SLC44A5: variants seen among roughly 807,000 people sequenced by gnomAD.
SLC44A5 encodes the protein choline transporter-like protein 5.
Under a neutral mutation model 101.8 loss-of-function variants are expected in SLC44A5, and 57 were observed. That is an observed-to-expected ratio of 0.56 (90% CI 0.45 to 0.70). The LOEUF is 0.70. SLC44A5 is among the 30% of genes least tolerant of loss of function. The pLI, the probability that SLC44A5 is intolerant of heterozygous loss-of-function variation, is 0.00. For missense variants in SLC44A5, 737 were observed against 853.1 expected (o/e 0.86, Z 1.70); for synonymous variants, 281 against 290.9 (o/e 0.97, Z 0.35).
chr1:75,475,591 T>G (rs2101745760), intron 2 of SLC44A5, among the ~76,000 whole-genome samples: 1 of 152,348 alleles, frequency 6.6e-6, no homozygotes, highest in African/African-American at 2.4e-5. Flanking sequence ...TTCATTCCCA[T>G]TTCCCACTAT....
intron 2 of SLC44A5, among the ~76,000 whole-genome samples, chr1:75,537,023 A>AT (rs1557885138): frequency 1.1e-4 from 4 of 34,958 alleles, no homozygotes; most frequent in Admixed American, 3.7e-4. Flanking sequence ...AAAAAAAAAA[A>AT]AAAAAAAAAA....
chr1:75,442,337 C>T (rs535729684), intron 2 of SLC44A5, among the ~76,000 whole-genome samples: 7 of 152,044 alleles, frequency 4.6e-5, no homozygotes, highest in South Asian at 2.1e-4. Flanking sequence ...TCGGGCTTTG[C>T]GGTAGGGAAA....
intron 2 of SLC44A5, among the ~76,000 whole-genome samples, chr1:75,480,811 G>A (rs1667793708): frequency 6.6e-6 from 1 of 152,166 alleles, no homozygotes; most frequent in Non-Finnish European, 1.5e-5. Flanking sequence ...TCAACATTGT[G>A]AAAATGGTCA....
chr1:75,211,636 T>C (rs533739672), intron 22 of SLC44A5, 84 bp from the exon 23 acceptor site: 2 of 1,061,570 alleles, frequency 1.9e-6, no homozygotes, highest in Admixed American at 3.7e-5. Context: ...AAAGCCATGA[T>C]GAGAAAGTTT....
intron 7 of SLC44A5, among the ~76,000 whole-genome samples, chr1:75,245,282 A>G (rs1649007125): frequency 6.6e-6 from 1 of 152,150 alleles, no homozygotes; most frequent in Non-Finnish European, 1.5e-5. Context: ...GTACCTTCAG[A>G]GAAAATATTA....
rs1653883883 is a variant in SLC44A5, at chr1:75,295,325, G to C, written c.175+5287C>G. Among the ~76,000 whole-genome samples the C allele has an allele frequency of 2.0e-5, 3 of 152,206 alleles. No individual in the cohort carries two copies. The South Asian group carries it at 6.2e-4, about 32-fold the overall frequency. ...TTGTTCTTCAGAAGGTCACTTGAGTGACTTCTCTTAGTTATGAAAATATGC... is the reference window on the plus strand; with the variant it reads ...TTGTTCTTCAGAAGGTCACTTGAGTCACTTCTCTTAGTTATGAAAATATGC... On this transcript the variant is annotated intron_variant, in intron 5 of 23. Coordinates refer to ENST00000370859, the MANE Select transcript of SLC44A5 (RefSeq NM_001130058.2).
intron 2 of SLC44A5, among the ~76,000 whole-genome samples, chr1:75,435,223 T>C (rs1664819106): frequency 6.6e-6 from 1 of 152,176 alleles, no homozygotes; most frequent in African/African-American, 2.4e-5. Flanking sequence ...AAAAGCACTC[T>C]TTGTACAAGG....
intron 2 of SLC44A5, among the ~76,000 whole-genome samples, chr1:75,411,196 T>C (rs1481938098): frequency 6.6e-6 from 1 of 152,126 alleles, no homozygotes; most frequent in Non-Finnish European, 1.5e-5. Flanking sequence ...CATCATTCCC[T>C]ACTCATTTCA....
the SLC44A5 span, among the ~76,000 whole-genome samples, chr1:75,626,481 C>T: frequency 0.28 from 42,234 of 152,030 alleles, 7,051 homozygotes; most frequent in East Asian, 0.81. Flanking sequence ...ATGACTCTTT[C>T]CAGCCTACTC....
At chr1:75,276,175 G>T (rs941204197) in intron 5 of SLC44A5, among the ~76,000 whole-genome samples, 1 of 152,002 alleles carries the variant, frequency 6.6e-6, no homozygotes, top group Non-Finnish European at 1.5e-5. Flanking sequence ...GGCCAAATTG[G>T]TTTCATCTTC....
At chr1:75,660,970 C>T in the SLC44A5 span, among the ~76,000 whole-genome samples, 3 of 152,048 alleles carry the variant, frequency 2.0e-5, no homozygotes, top group Non-Finnish European at 4.4e-5. Context: ...ACATTCTCCA[C>T]AGAAATAGAA....
chr1:75,352,596 A>AT (rs944874521), intron 3 of SLC44A5, among the ~76,000 whole-genome samples: 11 of 152,278 alleles, frequency 7.2e-5, no homozygotes, highest in African/African-American at 2.6e-4. Flanking sequence ...AAATTATTAT[A>AT]TACCCCCCAA....
intron 13 of SLC44A5, among the ~76,000 whole-genome samples, chr1:75,223,772 G>A (rs1178144809): frequency 6.6e-6 from 1 of 152,160 alleles, no homozygotes; most frequent in Non-Finnish European, 1.5e-5. Context: ...GAAGATCTTA[G>A]TAATGTATCA....
chr1:75,222,998 A>G (rs747446966), intron 13 of SLC44A5, among the ~76,000 whole-genome samples: 6 of 152,216 alleles, frequency 3.9e-5, no homozygotes, highest in Non-Finnish European at 7.3e-5. Context: ...TATAAGTATT[A>G]GAATTTAAAC....
chr1:75,581,987 G>A (rs929525747), intron 1 of SLC44A5: 20 of 469,344 alleles, frequency 4.3e-5, no homozygotes, highest in South Asian at 7.2e-5. Flanking sequence ...ACCCAGCCTC[G>A]GGTGTTCTTT....
intron 23 of SLC44A5, chr1:75,205,509 A>C (rs1212459436): frequency 6.6e-6 from 1 of 152,170 alleles, no homozygotes; most frequent in Non-Finnish European, 1.5e-5. Context: ...AAACTTACAC[A>C]TGACTATCAG....
At chr1:75,393,918 G>C (rs1283813253) in intron 3 of SLC44A5, among the ~76,000 whole-genome samples, 2 of 152,156 alleles carry the variant, frequency 1.3e-5, no homozygotes, top group Non-Finnish European at 2.9e-5. Context: ...AGACACAAGA[G>C]CAGATTTGGT....
intron 1 of SLC44A5, among the ~76,000 whole-genome samples, 180 bp downstream of exon 1, chr1:75,610,860 A>G (rs1335637773): frequency 6.6e-6 from 1 of 151,982 alleles, no homozygotes; most frequent in Non-Finnish European, 1.5e-5. Flanking sequence ...ATATCTATAT[A>G]TATACACACA....
At chr1:75,504,096 T>G (rs996642174) in intron 2 of SLC44A5, among the ~76,000 whole-genome samples, 1 of 152,178 alleles carries the variant, frequency 6.6e-6, no homozygotes, top group African/African-American at 2.4e-5. Context: ...ACAAGTATTT[T>G]TATAACTCTA....
Sources: gnomAD v4.1 joint callset for allele counts (sites outside exome capture counted in the v4.1 genomes callset) on GRCh38, gnomAD v4.1.1 for gene constraint, MANE v1.5 for transcripts, NCBI Gene and HGNC (gene_info 2026-07-23, HGNC 2026-07-21) for gene names.